Variants in SPECC1 observed in about 807,000 individuals in gnomAD.
SPECC1 encodes cytospin-B.
A neutral mutation model predicts 104.1 loss-of-function variants in SPECC1; 62 were observed. The observed-to-expected ratio is 0.60, with a 90% confidence interval of 0.49 to 0.74. The LOEUF is 0.74. Ranked by LOEUF, SPECC1 falls within the 30% of genes least tolerant of loss-of-function variation. The pLI is 0.00. For missense variants in SPECC1, 1,306 were observed against 1,310.5 expected, an observed-to-expected ratio of 1.00 and a Z score of 0.05; for synonymous variants, 513 against 501.6, an observed-to-expected ratio of 1.02 and a Z score of -0.30.
At chr17:20,120,060 G>A (rs1597752155) in intron 3 of SPECC1, among the ~76,000 whole-genome samples, 1 of 152,170 alleles carries the variant, frequency 6.6e-6, no homozygotes, top group African/African-American at 2.4e-5. Context: ...TTGGATAAGG[G>A]ATACTCACCC....
chr17:20,285,774 C>G (rs999829920), intron 12 of SPECC1, among the ~76,000 whole-genome samples: 1 of 151,304 alleles, frequency 6.6e-6, no homozygotes, highest in Non-Finnish European at 1.5e-5. Flanking sequence ...GTCCTCCCTC[C>G]TTCTCTCTCC....
At chr17:20,056,324 T>A in intron 1 of SPECC1, 1 of 190,864 alleles carries the variant, frequency 5.2e-6, no homozygotes, top group Non-Finnish European at 1.1e-5. Flanking sequence ...CTGGTGCGGC[T>A]TGGGAACCCG....
chr17:20,082,288 TA>T (rs962110701), intron 1 of SPECC1, among the ~76,000 whole-genome samples: 1 of 152,168 alleles, frequency 6.6e-6, no homozygotes, highest in Non-Finnish European at 1.5e-5. Context: ...CTGTAGGTCT[TA>T]AACAAAAGAC....
chr17:20,092,400 A>G (rs1458675789), intron 1 of SPECC1, among the ~76,000 whole-genome samples: 2 of 151,896 alleles, frequency 1.3e-5, no homozygotes. Flanking sequence ...ACGATTACTC[A>G]GCTAGCATTC....
chr17:20,315,187 A>G lies in SPECC1; in HGVS notation c.*1122A>G, dbSNP rs544173112. 2.1e-5 allele frequency: 5 copies of G among 233,014 alleles called. No individual in the cohort carries two copies. The highest frequency in any genetic ancestry group is 1.1e-4 in the Admixed American group (2 of 17,784). The allele number at this position is 233,014 out of a possible 1,614,324, so 14.4% of individuals were successfully genotyped here. A position where few individuals can be genotyped will look rare whatever the true frequency, so the allele number is the denominator to read the frequency against. ...TGCTGGGCTGACAGCAAATCCCAAC[A>G]GTATTTCGGCTCTGGACTGATTTGG... is the stretch of plus-strand genomic sequence containing the variant. On this transcript the variant is annotated 3_prime_UTR_variant, in exon 15 of 15. Coordinates refer to ENST00000395527, the MANE Select transcript of SPECC1 (RefSeq NM_001243439.2).
At chr17:20,129,182 T>G (rs1040477675) in intron 3 of SPECC1, among the ~76,000 whole-genome samples, 28 of 149,074 alleles carry the variant, frequency 1.9e-4, no homozygotes, top group South Asian at 1.1e-3. Flanking sequence ...GCCTGTTTTG[T>G]TTTTTTTTGT....
chr17:20,173,992 G>A (rs1286073765), intron 3 of SPECC1, among the ~76,000 whole-genome samples: 1 of 151,824 alleles, frequency 6.6e-6, no homozygotes, highest in Non-Finnish European at 1.5e-5. Context: ...GAGTGCAGTG[G>A]TGTGATCTCG....
chr17:20,291,163 T>G (rs2041150190), intron 12 of SPECC1, among the ~76,000 whole-genome samples: 1 of 152,200 alleles, frequency 6.6e-6, no homozygotes, highest in Non-Finnish European at 1.5e-5. Context: ...CTGGTGGGCC[T>G]GGCCTGGCCT....
chr17:20,193,462 C>T (rs1195311759), intron 3 of SPECC1, among the ~76,000 whole-genome samples: 5 of 152,082 alleles, frequency 3.3e-5, no homozygotes, highest in Non-Finnish European at 5.9e-5. Flanking sequence ...CTAAGGGTTG[C>T]GGAGGGATGA....
intron 3 of SPECC1, among the ~76,000 whole-genome samples, chr17:20,167,578 T>C (rs942648120): frequency 2.6e-5 from 4 of 152,274 alleles, no homozygotes; most frequent in African/African-American, 9.6e-5. Context: ...CTCGGGAGGC[T>C]GAGGCAGGAG....
intron 3 of SPECC1, among the ~76,000 whole-genome samples, chr17:20,190,093 A>G (rs959016371): frequency 5.7e-5 from 8 of 139,456 alleles, no homozygotes; most frequent in Non-Finnish European, 1.2e-4. Context: ...AAGACAGTCC[A>G]GCTGTGGAAA....
intron 1 of SPECC1, among the ~76,000 whole-genome samples, chr17:20,052,835 A>G (rs911138125): frequency 1.3e-5 from 2 of 152,246 alleles, no homozygotes; most frequent in Admixed American, 6.5e-5. Context: ...AGAAGGTAGG[A>G]AGGTACAGGT....
At chr17:20,231,889 T>C in intron 6 of SPECC1, 58 bp downstream of exon 6, 1 of 1,522,524 alleles carries the variant, frequency 6.6e-7, no homozygotes, top group Non-Finnish European at 9.1e-7. Flanking sequence ...CGCTCCGAGG[T>C]GTGGATCACT....
rs555446150 is a variant in SPECC1 at position 20,146,219 on chromosome 17, C to T, written c.283+35657C>T. ...GCCTGTGCTCCACCCGTTCATCCTT[C>T]CTCCTAAGTGCCTGGCAACCACTGA... On this transcript the variant is annotated intron_variant, in intron 3 of 14. Transcript: ENST00000395527. Among the ~76,000 whole-genome samples the T allele has an allele frequency of 1.0e-3, 156 of 152,316 alleles. 2 individuals carry two copies. Among genetic ancestry groups the T allele is most frequent in the African/African-American group, 3.6e-3 (151 of 41,580 alleles).
At chr17:20,201,436 C>T (rs1248304949) in intron 3 of SPECC1, among the ~76,000 whole-genome samples, 1 of 151,952 alleles carries the variant, frequency 6.6e-6, no homozygotes, top group Non-Finnish European at 1.5e-5. Context: ...GAGCTGAGGT[C>T]GCACATTGCA....
At chr17:20,027,873 T>C (rs1490135218) in intron 1 of SPECC1, among the ~76,000 whole-genome samples, 1 of 152,204 alleles carries the variant, frequency 6.6e-6, no homozygotes, top group Admixed American at 6.5e-5. Flanking sequence ...ATTTTGGCTT[T>C]CCATTTCTTG....
At chr17:20,202,496 C>T (rs1371519121) in intron 3 of SPECC1, among the ~76,000 whole-genome samples, 1 of 152,090 alleles carries the variant, frequency 6.6e-6, no homozygotes, top group Non-Finnish European at 1.5e-5. Context: ...GGAATGGTTG[C>T]CTGTCGCTTC....
At chr17:20,296,694 C>T (rs1380612664) in intron 12 of SPECC1, among the ~76,000 whole-genome samples, 2 of 152,156 alleles carry the variant, frequency 1.3e-5, no homozygotes, top group East Asian at 3.9e-4. Context: ...TCTTTTATTT[C>T]GTTGAGCAGT....
intron 2 of SPECC1, among the ~76,000 whole-genome samples, chr17:20,100,751 A>G (rs1327799524): frequency 2.6e-5 from 4 of 152,206 alleles, no homozygotes. Flanking sequence ...GTGCCTATCA[A>G]CCAGTCATCT....
Sources: allele counts gnomAD v4.1 joint callset (sites outside exome capture counted in the v4.1 genomes callset), GRCh38; gene constraint gnomAD v4.1.1; transcripts MANE v1.5; gene names NCBI Gene and HGNC (gene_info 2026-07-23, HGNC 2026-07-21).